SGCD: variants seen among roughly 807,000 people sequenced by gnomAD.
SGCD encodes delta-sarcoglycan.
Under a neutral mutation model 36.6 loss-of-function variants are expected in SGCD, and 18 were observed. That is an observed-to-expected ratio of 0.49 (90% CI 0.34 to 0.73). The LOEUF is 0.73. SGCD is among the 30% of genes least tolerant of loss of function. The pLI is 0.01. For missense variants in SGCD, 387 were observed against 346.7 expected, an observed-to-expected ratio of 1.12 and a Z score of -0.92; for synonymous variants, 133 against 130.6, an observed-to-expected ratio of 1.02 and a Z score of -0.12.
chr5:156,531,045 G>C (rs1029105132), intron 4 of SGCD, among the ~76,000 whole-genome samples: 11 of 152,300 alleles, frequency 7.2e-5, no homozygotes, highest in Non-Finnish European at 1.5e-4. Context: ...ATAGTATTAA[G>C]AGGCGGGGCC....
At chr5:155,853,483 A>T in the SGCD span, among the ~76,000 whole-genome samples, 1 of 152,134 alleles carries the variant, frequency 6.6e-6, no homozygotes, top group African/African-American at 2.4e-5. Context: ...AATTGTTGAC[A>T]TGCCTCTTTA....
chr5:155,748,647 G>T, the SGCD span, among the ~76,000 whole-genome samples: 1 of 152,082 alleles, frequency 6.6e-6, no homozygotes, highest in South Asian at 2.1e-4. Context: ...GGAATGATAT[G>T]ATACAACATG....
At chr5:156,406,803 TATATATATATATATATAC>T (rs1237191782) in intron 3 of SGCD, among the ~76,000 whole-genome samples, 16 of 74,334 alleles carry the variant, frequency 2.2e-4, no homozygotes, top group African/African-American at 4.6e-4. Context: ...TATATATATA[TATATATATATATATATAC>T]ACACACACAC....
chr5:155,839,907 T>TC, the SGCD span, among the ~76,000 whole-genome samples: 1 of 151,492 alleles, frequency 6.6e-6, no homozygotes, highest in South Asian at 2.1e-4. Flanking sequence ...ATTCAGGATT[T>TC]CCGCCCAGCA....
At chr5:155,986,568 A>G (rs1758335083) in intron 1 of SGCD, among the ~76,000 whole-genome samples, 1 of 152,174 alleles carries the variant, frequency 6.6e-6, no homozygotes. Flanking sequence ...TTTGAGGGGT[A>G]GGAGGGATAT....
intron 3 of SGCD, among the ~76,000 whole-genome samples, chr5:156,260,681 G>T (rs1448999565): frequency 6.6e-6 from 1 of 151,992 alleles, no homozygotes; most frequent in Non-Finnish European, 1.5e-5. Flanking sequence ...TTTATTTCTT[G>T]TTCTTGCTTT....
intron 3 of SGCD, among the ~76,000 whole-genome samples, chr5:156,317,778 C>T (rs181641434): frequency 1.3e-5 from 2 of 152,204 alleles, no homozygotes; most frequent in African/African-American, 4.8e-5. Context: ...TGCTGTGGCT[C>T]TTGTAATAAT....
At chr5:155,842,628 G>T in the SGCD span, among the ~76,000 whole-genome samples, 16 of 151,682 alleles carry the variant, frequency 1.1e-4, no homozygotes, top group Admixed American at 1.0e-3. Context: ...AAGTTCAAAA[G>T]ATGCTTGTTG....
intron 4 of SGCD, among the ~76,000 whole-genome samples, chr5:156,530,571 T>G (rs1757845397): frequency 6.6e-6 from 1 of 151,532 alleles, no homozygotes; most frequent in African/African-American, 2.4e-5. Flanking sequence ...TCTTTTCCTT[T>G]TTTTTTTCTT....
At chr5:155,819,835 G>C in the SGCD span, among the ~76,000 whole-genome samples, 4 of 152,114 alleles carry the variant, frequency 2.6e-5, no homozygotes, top group South Asian at 8.3e-4. Flanking sequence ...AGATACAAAT[G>C]TGCCAGTAAC....
intron 3 of SGCD, among the ~76,000 whole-genome samples, chr5:156,128,272 C>T (rs1762228416): frequency 6.6e-6 from 1 of 152,148 alleles, no homozygotes; most frequent in Admixed American, 6.5e-5. Flanking sequence ...CCACAGTTCT[C>T]ATACATTACT....
chr5:156,594,146 G>A (rs1009107900), intron 5 of SGCD, among the ~76,000 whole-genome samples: 6 of 152,098 alleles, frequency 3.9e-5, no homozygotes, highest in Admixed American at 3.9e-4. Flanking sequence ...CATCAACCTG[G>A]TTTACTTTTT....
chr5:156,248,259 T>G (rs1765485570), intron 3 of SGCD, among the ~76,000 whole-genome samples: 1 of 152,130 alleles, frequency 6.6e-6, no homozygotes, highest in African/African-American at 2.4e-5. Flanking sequence ...GGGTGGCTCA[T>G]GCCTGTAATC....
intron 1 of SGCD, among the ~76,000 whole-genome samples, chr5:155,871,172 T>C (rs1269236411): frequency 6.6e-6 from 1 of 152,164 alleles, no homozygotes; most frequent in African/African-American, 2.4e-5. Context: ...TTCATGCTAA[T>C]CAAGGTGATA....
intron 3 of SGCD, among the ~76,000 whole-genome samples, chr5:156,440,926 T>C (rs1753462981): frequency 6.6e-6 from 1 of 152,174 alleles, no homozygotes; most frequent in African/African-American, 2.4e-5. Context: ...TTCTTGGTGA[T>C]ATTTTTGAAG....
chr5:155,789,661 A>G, the SGCD span, among the ~76,000 whole-genome samples: 1 of 152,124 alleles, frequency 6.6e-6, no homozygotes, highest in East Asian at 1.9e-4. Context: ...TTAAAGTTAT[A>G]CAAATAGTGA....
At chr5:155,920,506 G>A (rs1160870969) in intron 1 of SGCD, among the ~76,000 whole-genome samples, 1 of 152,108 alleles carries the variant, frequency 6.6e-6, no homozygotes, top group Non-Finnish European at 1.5e-5. Flanking sequence ...GATTTATTAG[G>A]GAGTTCTCAA....
chr5:156,575,785 G>A (rs1276437215), intron 4 of SGCD, among the ~76,000 whole-genome samples: 4 of 152,106 alleles, frequency 2.6e-5, no homozygotes, highest in South Asian at 2.1e-4. Context: ...ATTTTGGAGC[G>A]ATTGGGTACA....
At chr5:156,703,925 G>C (rs923633067) in intron 7 of SGCD, 9 of 152,008 alleles carry the variant, frequency 5.9e-5, no homozygotes, top group African/African-American at 2.2e-4. Context: ...ATACCTTCTT[G>C]TTTCATTGTC....
Sources: gnomAD v4.1 joint callset for allele counts (sites outside exome capture counted in the v4.1 genomes callset) on GRCh38, gnomAD v4.1.1 for gene constraint, MANE v1.5 for transcripts, NCBI Gene and HGNC (gene_info 2026-07-23, HGNC 2026-07-21) for gene names.